Variants in DMD observed in about 807,000 individuals in gnomAD.
The protein encoded by DMD is mutant dystrophin.
A neutral mutation model predicts 330.1 loss-of-function variants in DMD; 63 were observed. The ratio of observed to expected loss-of-function variants is 0.19; its 90% confidence interval spans 0.16 to 0.24. The LOEUF (loss-of-function observed/expected upper bound fraction) is 0.24. Ranked by LOEUF, DMD falls within the 10% of genes least tolerant of loss-of-function variation. The pLI is 1.00. For missense variants in DMD, 3,344 were observed against 2,684.1 expected, an observed-to-expected ratio of 1.25 and a Z score of -5.43; for synonymous variants, 1,223 against 959.8, an observed-to-expected ratio of 1.27 and a Z score of -5.07.
At chrX:31,879,209 C>CCGG (rs145264192) in intron 47 of DMD, among the ~76,000 whole-genome samples, 6 of 83,804 alleles carry the variant, frequency 7.2e-5, no homozygotes, top group South Asian at 6.4e-4. Flanking sequence ...TTCTACATGG[C>CCGG]GGGGGGGGGC....
intron 41 of DMD, among the ~76,000 whole-genome samples, chrX:32,333,088 C>T (rs1458073492): frequency 9.0e-6 from 1 of 111,157 alleles, no homozygotes; most frequent in East Asian, 2.8e-4. Flanking sequence ...AAAACTTAAC[C>T]ACCTTCTCAT....
rs185378617 is a variant in DMD, at chrX:32,948,268, G to A, written c.93+71871C>T. On this transcript the variant is annotated intron_variant, in intron 2 of 78. Transcript: ENST00000357033. ...AGCTGCCTCCTCTTTGAATAAATCA[G>A]GTTCTTTAGACAATGTAGAGTTAAG... 2.9e-3 allele frequency among the ~76,000 whole-genome samples: 322 copies of A among 111,327 alleles called. 2 individuals are homozygous for A. The highest frequency in any genetic ancestry group is 9.3e-3 in the Middle Eastern group (2 of 216).
intron 44 of DMD, among the ~76,000 whole-genome samples, chrX:32,019,603 C>A (rs2095792699): frequency 9.1e-6 from 1 of 110,449 alleles, no homozygotes; most frequent in African/African-American, 3.3e-5. Flanking sequence ...TTATTCGTAT[C>A]TTTCTTACAC....
chrX:31,323,498 T>C (rs2056566330), intron 62 of DMD, 100 bp downstream of exon 62: 3 of 703,976 alleles, frequency 4.3e-6, no homozygotes, highest in Non-Finnish European at 6.6e-6. Flanking sequence ...ACAGGTATTG[T>C]AGGCCAGGCT....
At chrX:32,659,432 T>C (rs2060804465) in intron 9 of DMD, among the ~76,000 whole-genome samples, 1 of 111,478 alleles carries the variant, frequency 9.0e-6, no homozygotes, top group Middle Eastern at 4.2e-3. Flanking sequence ...ATAGTGCTTC[T>C]GTGGGATAGT....
chrX:32,252,594 AT>A, intron 43 of DMD, among the ~76,000 whole-genome samples: 1 of 39,166 alleles, frequency 2.6e-5, no homozygotes, highest in East Asian at 2.4e-3. Context: ...ATATATATAT[AT>A]ATATAAACAT....
At chrX:31,864,697 C>T (rs2093769381) in intron 48 of DMD, among the ~76,000 whole-genome samples, 2 of 109,804 alleles carry the variant, frequency 1.8e-5, no homozygotes, top group Non-Finnish European at 3.8e-5. Flanking sequence ...TGCTATATTG[C>T]CCAGGCTGAT....
chrX:33,099,274 C>T (rs2095212287), intron 1 of DMD, among the ~76,000 whole-genome samples: 1 of 110,882 alleles, frequency 9.0e-6, no homozygotes, highest in Non-Finnish European at 1.9e-5. Context: ...GGTCACAGCT[C>T]TTGTTGGGCG....
rs767993498 is a variant in DMD, at chrX:32,312,942, C to CAAAAAAAAAAAA, written c.5923-2678_5923-2667dup. ...ATTGAGGCAGTAATAGCCTACGAAC[C>CAAAAAAAAAAAA]AAAAAAAAAAAAAAAAAAAAAAGCC... On this transcript the variant is annotated intron_variant, in intron 41 of 78. Transcript: ENST00000357033. 3.8e-3 allele frequency among the ~76,000 whole-genome samples: 77 copies of CAAAAAAAAAAAA among 20,398 alleles called. 16 individuals are homozygous for CAAAAAAAAAAAA. Among genetic ancestry groups the CAAAAAAAAAAAA allele is most frequent in the Admixed American group, 0.027 (26 of 962 alleles). 17.7% of individuals were successfully genotyped at this position (20,398 alleles called of 115,157 possible).
intron 2 of DMD, among the ~76,000 whole-genome samples, chrX:32,850,750 C>G (rs1292766647): frequency 2.7e-5 from 3 of 111,708 alleles, no homozygotes; most frequent in Non-Finnish European, 5.6e-5. Context: ...TCGTTTTCTG[C>G]TTAAAACCCT....
At chrX:31,801,340 A>G (rs1481340224) in intron 50 of DMD, among the ~76,000 whole-genome samples, 2 of 110,990 alleles carry the variant, frequency 1.8e-5, no homozygotes, top group African/African-American at 6.6e-5. Flanking sequence ...ATGGGGGGAA[A>G]CAAACCCATG....
intron 17 of DMD, among the ~76,000 whole-genome samples, chrX:32,522,559 T>A (rs2046546029): frequency 8.9e-6 from 1 of 112,197 alleles, no homozygotes; most frequent in Non-Finnish European, 1.9e-5. Context: ...CTGATTATGT[T>A]ACCTTCATTC....
rs1466852561 is a variant in DMD at position 32,678,265 on chromosome X, A to G, written c.960+19605T>C. Among the ~76,000 whole-genome samples, 34 of 112,388 alleles carry G rather than the reference A, an allele frequency of 3.0e-4. No individual in the cohort carries two copies. The Admixed American group carries it at 3.1e-3, about 10-fold the overall frequency. ...GTTGAGTGTCCTTACAGAAGAAAAG[A>G]ACAGTTTTAACAAATGTTTTATGTA... On this transcript the variant is annotated intron_variant, in intron 9 of 78. Coordinates refer to ENST00000357033, the MANE Select transcript of DMD (RefSeq NM_004006.3).
In DMD at chrX:31,266,186, CCAAA is replaced by C. The variant is rs1339727241; in HGVS notation, c.9225-5174_9225-5171del. On this transcript the variant is annotated intron_variant, in intron 62 of 78. Transcript: ENST00000357033. ...AAAAAAAAAAAAAAAAAAAAAAAGCCCAAACAAACAAAAATCCCCACCCCCTGAA... is the reference window on the plus strand; with the variant it reads ...AAAAAAAAAAAAAAAAAAAAAAAGCCCAAACAAAAATCCCCACCCCCTGAA... Among the ~76,000 whole-genome samples the C allele has an allele frequency of 4.0e-4, 27 of 67,624 alleles. 2 individuals are homozygous for C. The South Asian group carries it at 0.011, about 27-fold the overall frequency. 58.7% of individuals were successfully genotyped at this position (67,624 alleles called of 115,157 possible).
intron 2 of DMD, among the ~76,000 whole-genome samples, chrX:32,896,190 A>G (rs2085701935): frequency 9.0e-6 from 1 of 111,718 alleles, no homozygotes; most frequent in African/African-American, 3.3e-5. Context: ...ACTCCTTAGT[A>G]CAACCCAGAG....
chrX:31,500,473 T>C (rs1182176068), intron 56 of DMD, among the ~76,000 whole-genome samples: 1 of 112,561 alleles, frequency 8.9e-6, no homozygotes, highest in South Asian at 3.7e-4. Context: ...AAGATCTAAA[T>C]GTAAGGAACA....
intron 44 of DMD, among the ~76,000 whole-genome samples, chrX:32,171,782 A>G (rs2096888676): frequency 8.9e-6 from 1 of 111,956 alleles, no homozygotes; most frequent in Non-Finnish European, 1.9e-5. Context: ...CATACATTTC[A>G]GAATTCGTTT....
At chrX:32,570,161 C>T (rs1181908171) in intron 15 of DMD, among the ~76,000 whole-genome samples, 1 of 111,683 alleles carries the variant, frequency 9.0e-6, no homozygotes, top group East Asian at 2.8e-4. Flanking sequence ...AAACAAATTA[C>T]ACTTATTGTA....
intron 13 of DMD, among the ~76,000 whole-genome samples, chrX:32,581,346 A>T (rs1414105017): frequency 9.0e-6 from 1 of 111,599 alleles, no homozygotes; most frequent in Non-Finnish European, 1.9e-5. Context: ...GGGCAACTTG[A>T]CTCCTGCTCT....
Sources: gnomAD v4.1 joint callset for allele counts (sites outside exome capture counted in the v4.1 genomes callset) on GRCh38, gnomAD v4.1.1 for gene constraint, MANE v1.5 for transcripts, NCBI Gene and HGNC (gene_info 2026-07-23, HGNC 2026-07-21) for gene names.